The following ZNF746 variants were observed in gnomAD, a reference collection of about 807,000 sequenced individuals.
ZNF746 encodes zinc finger protein 746.
Under a neutral mutation model 41.0 loss-of-function variants are expected in ZNF746, and 13 were observed. That is an observed-to-expected ratio of 0.32 (90% CI 0.21 to 0.50). The LOEUF (loss-of-function observed/expected upper bound fraction) is 0.50. Among genes scored for constraint, ZNF746 ranks in the 20% least tolerant of loss-of-function variants. The pLI, the probability that ZNF746 is intolerant of heterozygous loss-of-function variation, is 0.98. For synonymous variants in ZNF746, 424 were observed against 396.2 expected, an observed-to-expected ratio of 1.07 and a Z score of -0.83; for missense variants, 811 against 922.9, an observed-to-expected ratio of 0.88 and a Z score of 1.57.
chr7:149,493,596 G>A (rs911844035), intron 3 of ZNF746, among the ~76,000 whole-genome samples: 6 of 152,226 alleles, frequency 3.9e-5, no homozygotes, highest in African/African-American at 9.6e-5. Flanking sequence ...CACTGACCTC[G>A]AGGCATGTTG....
In ZNF746 at chr7:149,477,057, G is replaced by C; in HGVS notation, c.758-10C>G. 1 of 1,610,774 alleles carries C rather than the reference G, an allele frequency of 6.2e-7. No homozygotes were observed. The highest frequency in any genetic ancestry group is 8.5e-7 in the Non-Finnish European group (1 of 1,178,480). On this transcript the variant is annotated splice_polypyrimidine_tract_variant and intron_variant, in intron 5 of 6. Transcript: ENST00000458143. ...AAGTTGGAATGGACACCTGCGGTAA[G>C]GGGAGAGCAGAGCCGGTGGGTTAGG...
intron 4 of ZNF746, chr7:149,489,676 T>A (rs4727074): frequency 0.67 from 101,901 of 152,818 alleles, 34,376 homozygotes; most frequent in East Asian, 0.81. Context: ...AAAGTGGAGG[T>A]GGTGAGCTGA....
At chr7:149,486,781 G>A (rs1458669053) in intron 4 of ZNF746, among the ~76,000 whole-genome samples, 1 of 152,228 alleles carries the variant, frequency 6.6e-6, no homozygotes, top group Admixed American at 6.5e-5. Flanking sequence ...GTGATCAGGG[G>A]AGGACGGGGG....
chr7:149,477,816 C>T lies in ZNF746; in HGVS notation c.566-61G>A, dbSNP rs537584810. ...CGGCCCCTCAGCCCTGGGGCATACA[C>T]GCATCCAGCCGGAGAGATAGACACA... On this transcript the variant is annotated intron_variant, in intron 4 of 6. Transcript: ENST00000458143. The T allele has an allele frequency of 4.7e-5, 66 of 1,389,906 alleles. No individual in the cohort carries two copies. In the African/African-American group the frequency reaches 5.4e-4, roughly 11 times the overall value. The allele number at this position is 1,389,906 out of a possible 1,614,324, so 86.1% of individuals were successfully genotyped here.
intron 4 of ZNF746, among the ~76,000 whole-genome samples, chr7:149,479,264 A>T (rs1021020277): frequency 3.3e-5 from 5 of 152,182 alleles, no homozygotes; most frequent in Non-Finnish European, 5.9e-5. Flanking sequence ...AAAGAGAAAA[A>T]CCTTAAAAGG....
intron 4 of ZNF746, among the ~76,000 whole-genome samples, chr7:149,482,899 T>C (rs1347620979): frequency 6.6e-6 from 1 of 152,134 alleles, no homozygotes; most frequent in Middle Eastern, 3.2e-3. Context: ...TTGATAAATC[T>C]AGCCAACTAA....
intron 4 of ZNF746, among the ~76,000 whole-genome samples, chr7:149,482,461 T>C (rs1800509817): frequency 1.4e-5 from 2 of 138,914 alleles, no homozygotes. Flanking sequence ...ATAAAGTAAT[T>C]CTAAGGTTTT....
intron 4 of ZNF746, among the ~76,000 whole-genome samples, chr7:149,484,889 A>T (rs2116660405): frequency 6.6e-6 from 1 of 152,218 alleles, no homozygotes; most frequent in East Asian, 1.9e-4. Context: ...TTTTTGAGAA[A>T]GCCTATCAGT....
chr7:149,476,936 G>A lies in ZNF746; in HGVS notation c.869C>T (p.Ala290Val), dbSNP rs750627665. The change falls in exon 6 of 7, where the codon GCA (alanine) becomes GTA (valine). Residue 290 changes from alanine to valine, a missense_variant. Ala to Val is a moderately conservative substitution (Grantham distance 64). Around this residue, in one of 4 missense-constraint regions of ZNF746, gnomAD observed 495 missense variants for 481.6 expected, o/e 1.03. Coordinates refer to ENST00000458143, the MANE Select transcript of ZNF746 (RefSeq NM_001394198.1). ...GCCACCTGTACCTTCCGTGGAGGCT[G>A]CTGTGTTGAGCTTCAGGGTCCCGTC... ...CSDGTLKLNT[A>V]ASTEADVKIV... 2 of 1,614,054 alleles carry A rather than the reference G, an allele frequency of 1.2e-6. No homozygotes were observed. The highest frequency in any genetic ancestry group is 8.5e-7 in the Non-Finnish European group (1 of 1,179,984).
At position 149,497,568 on chromosome 7, in the gene ZNF746, AGTC is replaced by A; in HGVS notation, c.-35_-33del. The A allele has an allele frequency of 9.5e-7, 1 of 1,052,402 alleles. No homozygotes were observed. Among genetic ancestry groups the A allele is most frequent in the Non-Finnish European group, 1.1e-6 (1 of 876,910 alleles). The allele number at this position is 1,052,402 out of a possible 1,614,324, so 65.2% of individuals were successfully genotyped here. ...GCGCTGTCCCGCCCGGCCCGGAGGA[AGTC>A]GTCGTCGCCGCCGCCGCGCGCGGCA... is the stretch of plus-strand genomic sequence containing the variant. On this transcript the variant is annotated 5_prime_UTR_variant, in exon 1 of 7. Coordinates refer to ENST00000458143, the MANE Select transcript of ZNF746 (RefSeq NM_001394198.1). This position sits in a 1 kb window ranked among gnomAD's most constrained non-coding sequence, Gnocchi z 4.2.
intron 4 of ZNF746, among the ~76,000 whole-genome samples, chr7:149,481,614 A>G (rs1800488063): frequency 6.6e-6 from 1 of 152,238 alleles, no homozygotes; most frequent in Non-Finnish European, 1.5e-5. Flanking sequence ...ATAAACTCAT[A>G]TACACACACA....
intron 4 of ZNF746, among the ~76,000 whole-genome samples, chr7:149,480,082 C>A (rs535304768): frequency 4.6e-5 from 7 of 152,316 alleles, no homozygotes; most frequent in Admixed American, 3.3e-4. Context: ...TGAAGTGGTC[C>A]TAAGTCTGCA....
intron 4 of ZNF746, among the ~76,000 whole-genome samples, chr7:149,483,722 AC>A (rs1800546642): frequency 6.6e-6 from 1 of 152,192 alleles, no homozygotes; most frequent in African/African-American, 2.4e-5. Flanking sequence ...AGGAAATAAT[AC>A]ATATAAGAGT....
At position 149,497,230 on chromosome 7, in the gene ZNF746, G is replaced by A. The variant is rs1466630537; in HGVS notation, c.24+283C>T. ...ACCCAGAAGGAGGGGACAGCGGCTG[G>A]GGCGGGGGCAGGAAGCCCCGGAGGG... On this transcript the variant is annotated intron_variant, in intron 1 of 6. Transcript: ENST00000458143. The surrounding 1 kb of genome is among the most constrained non-coding windows in gnomAD (Gnocchi z 4.2). 1 of 983,194 alleles carries A rather than the reference G, an allele frequency of 1.0e-6. No homozygotes were observed. Among genetic ancestry groups the A allele is most frequent in the East Asian group, 1.1e-4 (1 of 8,766 alleles). 60.9% of individuals were successfully genotyped at this position (983,194 alleles called of 1,614,324 possible). A position where few individuals can be genotyped will look rare whatever the true frequency, so the allele number is the denominator to read the frequency against.
intron 1 of ZNF746, chr7:149,496,973 A>T: frequency 4.1e-6 from 4 of 985,126 alleles, no homozygotes; most frequent in Non-Finnish European, 4.8e-6. Context: ...ACCAGTACCC[A>T]TCCCACAGGC....
At chr7:149,477,378 C>G (rs528473088) in intron 5 of ZNF746, among the ~76,000 whole-genome samples, 186 bp downstream of exon 5, 1 of 152,182 alleles carries the variant, frequency 6.6e-6, no homozygotes, top group Non-Finnish European at 1.5e-5. Flanking sequence ...GGGACAGCAT[C>G]AGCCACCCGA....
chr7:149,489,889 G>A (rs1800745884), intron 4 of ZNF746: 3 of 152,590 alleles, frequency 2.0e-5, no homozygotes, highest in African/African-American at 7.2e-5. Context: ...GGTTGGAGAG[G>A]TTTTGGTGGA....
intron 4 of ZNF746, among the ~76,000 whole-genome samples, 197 bp downstream of exon 4, chr7:149,492,662 C>T (rs2888588): frequency 1.6e-4 from 25 of 152,170 alleles, no homozygotes; most frequent in African/African-American, 3.1e-4. Context: ...GTTTCCCTGA[C>T]AGAAAGTGTT....
intron 4 of ZNF746, chr7:149,490,750 G>A (rs1800775097): frequency 6.5e-6 from 1 of 152,860 alleles, no homozygotes; most frequent in Non-Finnish European, 1.5e-5. Context: ...CAATCAACAA[G>A]GAGGCTGCCA....
Sources: allele counts gnomAD v4.1 joint callset (sites outside exome capture counted in the v4.1 genomes callset), GRCh38; gene constraint gnomAD v4.1.1; regional missense constraint gnomAD v4.1.1; non-coding constraint Gnocchi (gnomAD v3.1); transcripts MANE v1.5; gene names NCBI Gene and HGNC (gene_info 2026-07-23, HGNC 2026-07-21).